GALNT13: variants seen among roughly 807,000 people sequenced by gnomAD.
GALNT13 encodes UDP-GalNAc:polypeptide N-acetylgalactosaminyltransferase 13.
In GALNT13, 28 loss-of-function variants were observed where a neutral mutation model predicts 64.2. The ratio of observed to expected loss-of-function variants is 0.44; its 90% CI spans 0.32 to 0.60. The LOEUF is 0.60. Ranked by LOEUF, GALNT13 falls within the 20% of genes least tolerant of loss-of-function variation. The pLI is 0.05. For missense variants in GALNT13, 577 were observed against 669.8 expected (o/e 0.86, Z 1.53); for synonymous variants, 214 against 224.6 (o/e 0.95, Z 0.42).
chr2:154,446,798 A>G (rs1309169743), intron 12 of GALNT13: 1 of 1,460,374 alleles, frequency 6.8e-7, no homozygotes. Context: ...AATTTATTTT[A>G]GCATTTTTGT....
At chr2:153,236,081 A>G in the GALNT13 span, among the ~76,000 whole-genome samples, 2 of 152,148 alleles carry the variant, frequency 1.3e-5, no homozygotes, top group African/African-American at 4.8e-5. Context: ...CCAGCCACAA[A>G]ATTCCCTTAA....
At chr2:153,252,882 A>G in the GALNT13 span, among the ~76,000 whole-genome samples, 11 of 152,122 alleles carry the variant, frequency 7.2e-5, no homozygotes, top group Non-Finnish European at 1.3e-4. Flanking sequence ...GCCTTGTAGT[A>G]TAGTTTGAAG....
At chr2:153,562,060 C>CTCTCTG in the GALNT13 span, among the ~76,000 whole-genome samples, 2,389 of 118,810 alleles carry the variant, frequency 0.02, 33 homozygotes, top group African/African-American at 0.035. Flanking sequence ...CTCTCTCTCT[C>CTCTCTG]TGTGTGTGTG....
intron 9 of GALNT13, among the ~76,000 whole-genome samples, chr2:154,348,708 T>C (rs951075102): frequency 5.3e-5 from 8 of 151,892 alleles, no homozygotes; most frequent in African/African-American, 1.9e-4. Flanking sequence ...CCCAATGTCA[T>C]TTTATACTAG....
rs528895572 is a variant in GALNT13 at position 154,274,777 on chromosome 2, G to T, written c.975+15639G>T. Among the ~76,000 whole-genome samples, 7 of 152,238 alleles carry T rather than the reference G, an allele frequency of 4.6e-5. No individual in the cohort carries two copies. The East Asian group carries it at 1.4e-3, about 29-fold the overall frequency. On this transcript the variant is annotated intron_variant, in intron 8 of 12. Coordinates refer to ENST00000392825, the MANE Select transcript of GALNT13 (RefSeq NM_052917.4). ...AAATTGGTACTGGGGGTACCAAAAA[G>T]ATACCCAAAAATGTAGAAGTGACTT...
chr2:153,987,520 C>A (rs1240391621), intron 3 of GALNT13, among the ~76,000 whole-genome samples: 2 of 151,756 alleles, frequency 1.3e-5, no homozygotes, highest in Non-Finnish European at 2.9e-5. Flanking sequence ...AATATGTATA[C>A]ACATGTTAAA....
the GALNT13 span, among the ~76,000 whole-genome samples, chr2:153,643,369 T>C: frequency 6.6e-6 from 1 of 151,414 alleles, no homozygotes; most frequent in African/African-American, 2.4e-5. Flanking sequence ...ATATCATAAA[T>C]AACCACATGA....
intron 3 of GALNT13, among the ~76,000 whole-genome samples, chr2:154,000,042 T>G (rs1695796108): frequency 2.6e-5 from 4 of 152,060 alleles, no homozygotes; most frequent in Admixed American, 2.6e-4. Context: ...TGATTTGATC[T>G]TGGTAGCAGT....
chr2:153,593,435 G>C, the GALNT13 span: 1,807 of 152,360 alleles, frequency 0.012, 17 homozygotes, highest in Admixed American at 0.017. Flanking sequence ...ACCCATTCAA[G>C]TAGCGTGTGA....
the GALNT13 span, among the ~76,000 whole-genome samples, chr2:153,704,322 T>A: frequency 6.6e-6 from 1 of 152,164 alleles, no homozygotes; most frequent in Non-Finnish European, 1.5e-5. Context: ...TTTAAAAAAT[T>A]ATAATTAAGG....
the GALNT13 span, among the ~76,000 whole-genome samples, chr2:153,222,344 T>C: frequency 3.7e-5 from 1 of 27,154 alleles, no homozygotes; most frequent in African/African-American, 1.4e-4. Context: ...GGGGGGGGGG[T>C]TGGGCTTATA....
At chr2:153,404,712 T>G in the GALNT13 span, among the ~76,000 whole-genome samples, 1 of 152,190 alleles carries the variant, frequency 6.6e-6, no homozygotes, top group Non-Finnish European at 1.5e-5. Context: ...ATGTCTTTGG[T>G]ATTAATCACT....
the GALNT13 span, among the ~76,000 whole-genome samples, chr2:153,384,746 G>A: frequency 6.6e-6 from 1 of 151,964 alleles, no homozygotes; most frequent in Non-Finnish European, 1.5e-5. Flanking sequence ...CTGCTTTAAT[G>A]GCATTTTTGC....
chr2:154,150,676 G>A (rs530156278), intron 4 of GALNT13, among the ~76,000 whole-genome samples: 3 of 152,312 alleles, frequency 2.0e-5, no homozygotes, highest in Non-Finnish European at 4.4e-5. Context: ...TTGTGTCGAG[G>A]AATTTATCCA....
chr2:153,893,093 C>G (rs1687657241), intron 1 of GALNT13, among the ~76,000 whole-genome samples: 1 of 151,998 alleles, frequency 6.6e-6, no homozygotes, highest in Non-Finnish European at 1.5e-5. Flanking sequence ...AAATAGCTGT[C>G]AGGGTTCCAA....
At chr2:153,144,901 T>C in the GALNT13 span, among the ~76,000 whole-genome samples, 1 of 151,916 alleles carries the variant, frequency 6.6e-6, no homozygotes. Context: ...ATTATATGCA[T>C]GATTTTTCTA....
At chr2:153,359,906 A>G in the GALNT13 span, among the ~76,000 whole-genome samples, 2 of 152,286 alleles carry the variant, frequency 1.3e-5, no homozygotes, top group South Asian at 4.1e-4. Context: ...AAAATATGAG[A>G]CAGAAATGAA....
chr2:153,073,213 G>C, the GALNT13 span, among the ~76,000 whole-genome samples: 1 of 152,078 alleles, frequency 6.6e-6, no homozygotes, highest in Non-Finnish European at 1.5e-5. Flanking sequence ...ATTTATGTCA[G>C]TAAATTTTCA....
intron 1 of GALNT13, among the ~76,000 whole-genome samples, chr2:153,886,034 G>T (rs1157708282): frequency 6.6e-6 from 1 of 151,928 alleles, no homozygotes; most frequent in Non-Finnish European, 1.5e-5. Flanking sequence ...AGAGAGAAAT[G>T]AGGAAGTTTC....
Sources: gnomAD v4.1 joint callset for allele counts (sites outside exome capture counted in the v4.1 genomes callset) on GRCh38, gnomAD v4.1.1 for gene constraint, MANE v1.5 for transcripts, NCBI Gene and HGNC (gene_info 2026-07-23, HGNC 2026-07-21) for gene names.